The following CPED1 variants were observed in gnomAD, a reference collection of about 807,000 sequenced individuals.
The protein encoded by CPED1 is cadherin like and PC-esterase domain containing 1.
Under a neutral mutation model 128.2 loss-of-function variants are expected in CPED1, and 114 were observed. The ratio of observed to expected loss-of-function variants is 0.89; its 90% confidence interval spans 0.76 to 1.04. The LOEUF is 1.04. Ranked by LOEUF, CPED1 falls within the 50% of genes least tolerant of loss-of-function variation. CPED1 has a pLI of 0.00. For synonymous variants in CPED1, 462 were observed against 426.7 expected (o/e 1.08, Z -1.02); for missense variants, 1,211 against 1,207.1 (o/e 1.00, Z -0.05).
intron 17 of CPED1, among the ~76,000 whole-genome samples, chr7:121,243,577 T>C (rs1980325): frequency 0.92 from 139,573 of 152,228 alleles, 65,122 homozygotes; most frequent in East Asian, 1. Context: ...TCCATTACAT[T>C]GTTACACCAA....
At chr7:121,030,186 G>A (rs1001658952) in intron 3 of CPED1, among the ~76,000 whole-genome samples, 1 of 151,952 alleles carries the variant, frequency 6.6e-6, no homozygotes, top group African/African-American at 2.4e-5. Context: ...ACACATTTAT[G>A]TTCTACTCTT....
rs941091996 is a variant in CPED1, at chr7:121,229,293, C to T, written c.2056-7421C>T. 2.0e-5 allele frequency among the ~76,000 whole-genome samples: 3 copies of T among 151,920 alleles called. No homozygotes were observed. The East Asian group carries it at 5.8e-4, about 29-fold the overall frequency. On this transcript the variant is annotated intron_variant, in intron 16 of 22. Coordinates refer to ENST00000310396, the MANE Select transcript of CPED1 (RefSeq NM_024913.5). ...TAAAAAAATAGACAAATGCTTATAG[C>T]CTAAATAGCATAAATGGCCATATTT...
intron 5 of CPED1, among the ~76,000 whole-genome samples, chr7:121,074,646 C>T (rs10251692): frequency 0.46 from 69,843 of 150,646 alleles, 16,390 homozygotes; most frequent in East Asian, 0.62. Context: ...AAATGCTTCT[C>T]CTGTTACCCT....
intron 22 of CPED1, among the ~76,000 whole-genome samples, chr7:121,286,073 A>T (rs1289898487): frequency 1.3e-5 from 2 of 152,184 alleles, no homozygotes; most frequent in Non-Finnish European, 2.9e-5. Context: ...CATAGTGGAA[A>T]AGAAGCAAAC....
intron 7 of CPED1, among the ~76,000 whole-genome samples, chr7:121,110,031 AAAG>A (rs1313568848): frequency 1.3e-5 from 2 of 152,182 alleles, no homozygotes; most frequent in Non-Finnish European, 2.9e-5. Flanking sequence ...GCAGGAAAGA[AAAG>A]AAAAATCCCA....
intron 7 of CPED1, among the ~76,000 whole-genome samples, chr7:121,120,535 G>A (rs1795358219): frequency 6.6e-6 from 1 of 152,120 alleles, no homozygotes; most frequent in Non-Finnish European, 1.5e-5. Context: ...AACATCAAGA[G>A]AAACCCTGGT....
chr7:121,100,240 C>A, intron 7 of CPED1, 146 bp downstream of exon 7: 1 of 717,760 alleles, frequency 1.4e-6, no homozygotes, highest in Non-Finnish European at 2.3e-6. Flanking sequence ...AAAAGATTTT[C>A]ACTTAATAGG....
intron 10 of CPED1, among the ~76,000 whole-genome samples, chr7:121,128,176 T>G (rs1377458324): frequency 6.6e-6 from 1 of 152,216 alleles, no homozygotes; most frequent in East Asian, 1.9e-4. Context: ...AGCTATTTTA[T>G]CCAGGTCCTC....
chr7:121,122,139 A>ATTTTT (rs34817474), intron 7 of CPED1, among the ~76,000 whole-genome samples: 6 of 127,308 alleles, frequency 4.7e-5, no homozygotes, highest in East Asian at 2.2e-4. Flanking sequence ...ACTCATCTGG[A>ATTTTT]TTTTTTTTTT....
intron 16 of CPED1, among the ~76,000 whole-genome samples, chr7:121,213,591 T>C (rs1021396225): frequency 2.6e-5 from 4 of 152,002 alleles, no homozygotes; most frequent in Non-Finnish European, 5.9e-5. Flanking sequence ...TGGATACCCA[T>C]GAATGTCAAT....
chr7:121,293,965 GC>G (rs893590545), intron 22 of CPED1, among the ~76,000 whole-genome samples: 71 of 151,982 alleles, frequency 4.7e-4, no homozygotes, highest in Non-Finnish European at 7.4e-4. Context: ...GATCTTGCCA[GC>G]CCCCCATTCG....
At chr7:121,250,792 C>T (rs1798653323) in intron 18 of CPED1, among the ~76,000 whole-genome samples, 1 of 152,082 alleles carries the variant, frequency 6.6e-6, no homozygotes, top group Non-Finnish European at 1.5e-5. Flanking sequence ...TCTGAATAGA[C>T]CAATAACAGG....
Position 121,246,894 on chromosome 7 carries a change from C to T in CPED1, c.2310+2556C>T, listed in dbSNP as rs141806819. On this transcript the variant is annotated intron_variant, in intron 18 of 22. Transcript: ENST00000310396. The stretch of plus-strand genomic sequence containing the variant: ...AGCAAAAGGGCTTATCTTTGTGACT[C>T]TCCTAGTTTGCAGGTGTTCTTCAGA... Among the ~76,000 whole-genome samples the T allele has an allele frequency of 1.6e-3, 239 of 152,370 alleles. 2 individuals carry two copies. Among genetic ancestry groups the T allele is most frequent in the African/African-American group, 5.6e-3 (231 of 41,580 alleles).
chr7:121,158,780 G>A (rs1584556498), intron 16 of CPED1, among the ~76,000 whole-genome samples: 2 of 151,982 alleles, frequency 1.3e-5, no homozygotes, highest in East Asian at 3.9e-4. Context: ...AATAAGAAAC[G>A]ATAGTCATTT....
chr7:121,183,598 G>C (rs1240397558), intron 16 of CPED1, among the ~76,000 whole-genome samples: 1 of 152,156 alleles, frequency 6.6e-6, no homozygotes, highest in Non-Finnish European at 1.5e-5. Context: ...TGGATGAATA[G>C]CTATAGCAAA....
intron 5 of CPED1, among the ~76,000 whole-genome samples, chr7:121,078,992 G>A (rs546828110): frequency 1.3e-5 from 2 of 152,288 alleles, no homozygotes; most frequent in Non-Finnish European, 2.9e-5. Context: ...GTTCTCACAT[G>A]TTCTTTTCCT....
At chr7:121,199,713 G>GAAAGAAAGAAAGAAAGAAAGA (rs1554447059) in intron 16 of CPED1, among the ~76,000 whole-genome samples, 1 of 132,764 alleles carries the variant, frequency 7.5e-6, no homozygotes, top group African/African-American at 2.8e-5. Context: ...AAGAAAGAAA[G>GAAAGAAAGAAAGAAAGAAAGA]AAAGAAAAGA....
At chr7:121,110,951 A>T (rs1214180041) in intron 7 of CPED1, among the ~76,000 whole-genome samples, 3 of 152,140 alleles carry the variant, frequency 2.0e-5, no homozygotes, top group African/African-American at 7.2e-5. Flanking sequence ...GAAGGTAGAA[A>T]CAAGAATTGG....
intron 16 of CPED1, among the ~76,000 whole-genome samples, chr7:121,172,696 A>AGATAGATAGATG (rs1203686563): frequency 6.6e-6 from 1 of 151,566 alleles, no homozygotes; most frequent in East Asian, 1.9e-4. Context: ...ATAGATAGAT[A>AGATAGATAGATG]GATAGATGTA....
Sources: allele counts gnomAD v4.1 joint callset (sites outside exome capture counted in the v4.1 genomes callset), GRCh38; gene constraint gnomAD v4.1.1; transcripts MANE v1.5; gene names NCBI Gene and HGNC (gene_info 2026-07-23, HGNC 2026-07-21).